Variants in MACROD2 observed in about 807,000 individuals in gnomAD.
MACROD2 encodes the protein ADP-ribose glycohydrolase MACROD2.
Under a neutral mutation model 70.4 loss-of-function variants are expected in MACROD2, and 36 were observed. That is an observed-to-expected ratio of 0.51 (90% CI 0.39 to 0.68). MACROD2 has a LOEUF of 0.68. Among genes scored for constraint, MACROD2 ranks in the 30% least tolerant of loss-of-function variants. The pLI, the probability that MACROD2 is intolerant of heterozygous loss-of-function variation, is 0.00. For synonymous variants in MACROD2, 172 were observed against 178.8 expected (o/e 0.96, Z 0.30); for missense variants, 496 against 538.4 (o/e 0.92, Z 0.78).
intron 3 of MACROD2, among the ~76,000 whole-genome samples, chr20:14,339,478 T>G (rs901210237): frequency 5.9e-5 from 9 of 152,214 alleles, no homozygotes; most frequent in Admixed American, 4.6e-4. Context: ...TGGTTCTGTT[T>G]AAAAAAGAAA....
chr20:14,789,460 A>ATTTTTTTTTTTTTTTTTTTTTTTTTTTTT lies in MACROD2; in HGVS notation c.418+104505_418+104533dup, dbSNP rs3045609. On this transcript the variant is annotated intron_variant, in intron 5 of 17. Transcript: ENST00000684519. ...CTTGTGGATTAATCAGGTAGTGCAAATTTTTTTTTTTTTTTTTTTTTTTTT... is the reference window on the plus strand; with the variant it reads ...CTTGTGGATTAATCAGGTAGTGCAAATTTTTTTTTTTTTTTTTTTTTTTTTTTTTTTTTTTTTTTTTTTTTTTTTTTTTT... Among the ~76,000 whole-genome samples the ATTTTTTTTTTTTTTTTTTTTTTTTTTTTT allele has an allele frequency of 6.2e-5, 3 of 48,324 alleles. 1 individual carries two copies. The highest frequency in any genetic ancestry group is 8.6e-5 in the African/African-American group (1 of 11,652). The allele number at this position is 48,324 out of a possible 152,430, so 31.7% of individuals were successfully genotyped here.
chr20:15,206,721 G>GTTTTTTTTTTTT (rs56752104), intron 5 of MACROD2, among the ~76,000 whole-genome samples: 441 of 32,996 alleles, frequency 0.013, 128 homozygotes, highest in African/African-American at 0.02. Context: ...TATTATCTAT[G>GTTTTTTTTTTTT]TTTTTTTTTT....
chr20:15,981,720 T>A (rs1259507217), intron 13 of MACROD2, among the ~76,000 whole-genome samples: 12 of 152,190 alleles, frequency 7.9e-5, no homozygotes, highest in Non-Finnish European at 1.3e-4. Context: ...CCTTTCTTAT[T>A]AGGCTGTTTA....
chr20:15,658,832 G>A (rs1276541754), intron 8 of MACROD2, among the ~76,000 whole-genome samples: 1 of 152,108 alleles, frequency 6.6e-6, no homozygotes, highest in East Asian at 1.9e-4. Context: ...GTGATATGTT[G>A]GTGCAATTCA....
intron 3 of MACROD2, among the ~76,000 whole-genome samples, chr20:14,331,907 G>A (rs1483844476): frequency 1.3e-5 from 2 of 152,058 alleles, no homozygotes; most frequent in African/African-American, 2.4e-5. Flanking sequence ...CCATAACACT[G>A]ACTTCAGAGC....
chr20:15,552,572 A>G (rs2048114110), intron 8 of MACROD2: 1 of 152,224 alleles, frequency 6.6e-6, no homozygotes, highest in Admixed American at 6.5e-5. Flanking sequence ...GCCTTCATGG[A>G]CAGTTCCCAG....
intron 3 of MACROD2, among the ~76,000 whole-genome samples, chr20:14,476,219 TC>T (rs1273349025): frequency 6.6e-6 from 1 of 152,154 alleles, no homozygotes; most frequent in African/African-American, 2.4e-5. Context: ...AAGAAACATA[TC>T]ACTGTTTTAA....
chr20:14,775,647 C>T (rs893483297), intron 5 of MACROD2, among the ~76,000 whole-genome samples: 14 of 152,006 alleles, frequency 9.2e-5, no homozygotes, highest in Middle Eastern at 3.4e-3. Flanking sequence ...TTTCAACATG[C>T]GATTTGGAGG....
chr20:15,997,916 A>T (rs1246362453), intron 15 of MACROD2, among the ~76,000 whole-genome samples: 1 of 152,128 alleles, frequency 6.6e-6, no homozygotes, highest in Non-Finnish European at 1.5e-5. Flanking sequence ...AAGAATGGTT[A>T]ATTTTGTCAG....
chr20:15,328,827 AG>A (rs1474359660), intron 6 of MACROD2, among the ~76,000 whole-genome samples: 3 of 152,156 alleles, frequency 2.0e-5, no homozygotes, highest in African/African-American at 7.2e-5. Flanking sequence ...ATTTCCTTAA[AG>A]AAAATTATCT....
chr20:15,737,025 G>A (rs2051031445), intron 8 of MACROD2, among the ~76,000 whole-genome samples: 1 of 152,200 alleles, frequency 6.6e-6, no homozygotes, highest in African/African-American at 2.4e-5. Flanking sequence ...TTAGGTTGAT[G>A]GCAGGAGCAA....
rs528606145 is a variant in MACROD2, at chr20:14,454,954, G to A, written c.272-38525G>A. 9.9e-5 allele frequency among the ~76,000 whole-genome samples: 15 copies of A among 151,824 alleles called. No individual in the cohort carries two copies. The East Asian group carries it at 1.6e-3, about 16-fold the overall frequency. ...TTTTTAGTAGAGACGGGGTTTCACC[G>A]TGTTAGCCAGGATGGTCTCGATCTC... On this transcript the variant is annotated intron_variant, in intron 3 of 17. Coordinates refer to ENST00000684519, the MANE Select transcript of MACROD2 (RefSeq NM_001351661.2).
At chr20:14,489,893 C>G (rs2084775831) in intron 3 of MACROD2, among the ~76,000 whole-genome samples, 1 of 149,490 alleles carries the variant, frequency 6.7e-6, no homozygotes, top group Non-Finnish European at 1.5e-5. Flanking sequence ...CAGAGTCTTG[C>G]TCTGTTGTCC....
At chr20:14,873,615 C>A (rs1001689742) in intron 5 of MACROD2, among the ~76,000 whole-genome samples, 2 of 152,074 alleles carry the variant, frequency 1.3e-5, no homozygotes, top group Non-Finnish European at 2.9e-5. Flanking sequence ...GTAATCTCAG[C>A]ACTTTGGGAA....
intron 5 of MACROD2, among the ~76,000 whole-genome samples, chr20:15,033,541 T>C (rs1235830377): frequency 6.6e-6 from 1 of 152,218 alleles, no homozygotes; most frequent in Non-Finnish European, 1.5e-5. Flanking sequence ...ACACTTGAGG[T>C]AACCTTGGAA....
chr20:15,098,305 A>T (rs2075848548), intron 5 of MACROD2, among the ~76,000 whole-genome samples: 3 of 152,174 alleles, frequency 2.0e-5, no homozygotes, highest in Admixed American at 2.0e-4. Flanking sequence ...GAAGCCATGA[A>T]AGGATAGGGC....
chr20:15,118,665 T>C (rs952546396), intron 5 of MACROD2, among the ~76,000 whole-genome samples: 5 of 152,210 alleles, frequency 3.3e-5, no homozygotes, highest in Non-Finnish European at 7.3e-5. Flanking sequence ...ACTATTATGG[T>C]CTTCAGACAT....
intron 8 of MACROD2, among the ~76,000 whole-genome samples, chr20:15,845,511 C>T (rs1416671569): frequency 2.0e-5 from 3 of 152,008 alleles, no homozygotes; most frequent in African/African-American, 7.2e-5. Context: ...TGGAAAGCAG[C>T]ATAGCAAGGA....
At chr20:15,577,402 A>G (rs2048463562) in intron 8 of MACROD2, among the ~76,000 whole-genome samples, 1 of 152,128 alleles carries the variant, frequency 6.6e-6, no homozygotes, top group Non-Finnish European at 1.5e-5. Context: ...GTGCGTATGT[A>G]CCTCTAAAAG....
Sources: gnomAD v4.1 joint callset for allele counts (sites outside exome capture counted in the v4.1 genomes callset) on GRCh38, gnomAD v4.1.1 for gene constraint, MANE v1.5 for transcripts, NCBI Gene and HGNC (gene_info 2026-07-23, HGNC 2026-07-21) for gene names.